PLD5: variants seen among roughly 807,000 people sequenced by gnomAD.
PLD5 encodes the protein phospholipase D family member 5, also known as inactive phospholipase D5.
A neutral mutation model predicts 61.1 loss-of-function variants in PLD5; 36 were observed. That is an observed-to-expected ratio of 0.59 (90% CI 0.45 to 0.78). PLD5 has a LOEUF of 0.78. Ranked by LOEUF, PLD5 falls within the 30% of genes least tolerant of loss-of-function variation. The probability of loss-of-function intolerance (pLI) is 0.00; values close to 1 mark genes in which losing one functional copy is unlikely to be tolerated. For synonymous variants in PLD5, 243 were observed against 242.8 expected, an observed-to-expected ratio of 1.00 and a Z score of -0.01; for missense variants, 515 against 644.4, an observed-to-expected ratio of 0.80 and a Z score of 2.17.
At chr1:242,379,630 A>C (rs1206749800) in intron 1 of PLD5, among the ~76,000 whole-genome samples, 1 of 152,006 alleles carries the variant, frequency 6.6e-6, no homozygotes, top group African/African-American at 2.4e-5. Flanking sequence ...AAAAAAAAAA[A>C]CTTTGAGTTT....
chr1:242,300,758 GGGTTGCAGCGGGA>G (rs1006051713), intron 2 of PLD5, among the ~76,000 whole-genome samples: 5 of 24,150 alleles, frequency 2.1e-4, no homozygotes, highest in African/African-American at 5.2e-4. Flanking sequence ...AGCGGGACAA[GGGTTGCAGCGGGA>G]GAACAATTAG....
At chr1:242,284,345 C>T (rs1387964655) in intron 3 of PLD5, among the ~76,000 whole-genome samples, 1 of 151,842 alleles carries the variant, frequency 6.6e-6, no homozygotes, top group African/African-American at 2.4e-5. Context: ...CCATGTTTGC[C>T]AGGCTGGTTT....
chr1:242,265,542 C>T (rs1558411385), intron 3 of PLD5, 94 bp from the exon 4 acceptor site: 21 of 1,077,324 alleles, frequency 1.9e-5, no homozygotes, highest in South Asian at 8.9e-5. Context: ...TTAATCTATT[C>T]GTTCAAATGT....
intron 1 of PLD5, among the ~76,000 whole-genome samples, chr1:242,391,431 AT>A (rs1204540302): frequency 6.6e-6 from 1 of 152,222 alleles, no homozygotes; most frequent in African/African-American, 2.4e-5. Context: ...AAATAAGGAT[AT>A]TTTAAACACA....
At chr1:242,401,417 C>T (rs936431147) in intron 1 of PLD5, among the ~76,000 whole-genome samples, 9 of 152,034 alleles carry the variant, frequency 5.9e-5, no homozygotes, top group African/African-American at 9.7e-5. Context: ...ATCATGTGGA[C>T]CCCTCCCCTT....
In PLD5 at chr1:242,400,720, C is replaced by G. The variant is rs1165517716; in HGVS notation, c.190-52478G>C. 2.0e-5 allele frequency among the ~76,000 whole-genome samples: 3 copies of G among 152,186 alleles called. 1 individual carries two copies. In the South Asian group the frequency reaches 6.2e-4, roughly 32 times the overall value. On this transcript the variant is annotated intron_variant, in intron 1 of 9. Coordinates refer to ENST00000536534, the MANE Select transcript of PLD5 (RefSeq NM_001372062.1). ...TCCAAGTCCCGGGATCTTTTCCCAC[C>G]ACCCGCCTGCTTTTCCAGCCCCCAA...
At chr1:242,196,740 A>G (rs1668658167) in intron 5 of PLD5, among the ~76,000 whole-genome samples, 1 of 152,186 alleles carries the variant, frequency 6.6e-6, no homozygotes. Context: ...TCTAGAATAG[A>G]AATAGGAAGC....
chr1:242,460,091 G>C (rs1321223727), intron 1 of PLD5, among the ~76,000 whole-genome samples: 2 of 151,516 alleles, frequency 1.3e-5, no homozygotes, highest in East Asian at 3.9e-4. Context: ...CTGTTCTAAG[G>C]CTCTGTTAGA....
intron 5 of PLD5, among the ~76,000 whole-genome samples, chr1:242,140,150 C>T (rs192073468): frequency 6.6e-6 from 1 of 152,302 alleles, no homozygotes; most frequent in East Asian, 1.9e-4. Flanking sequence ...TTGACTCCTG[C>T]ACACCAACGT....
At chr1:242,403,163 A>G (rs1338422519) in intron 1 of PLD5, among the ~76,000 whole-genome samples, 2 of 152,206 alleles carry the variant, frequency 1.3e-5, no homozygotes, top group East Asian at 3.9e-4. Context: ...GGACATTACC[A>G]GGTCAGATGG....
At position 242,419,403 on chromosome 1, in the gene PLD5, T is replaced by C. The variant is rs1243594822; in HGVS notation, c.190-71161A>G. 1.3e-5 allele frequency among the ~76,000 whole-genome samples: 2 copies of C among 150,426 alleles called. 1 individual carries two copies. The highest frequency in any genetic ancestry group is 3.0e-5 in the Non-Finnish European group (2 of 67,520). The stretch of plus-strand genomic sequence containing the variant: ...TGATTTTTGTTTTTTTTTTTTTTTT[T>C]TTGGCGGGGGGAGACAGAGTCTCGC... On this transcript the variant is annotated intron_variant, in intron 1 of 9. Coordinates refer to ENST00000536534, the MANE Select transcript of PLD5 (RefSeq NM_001372062.1).
At chr1:242,122,069 T>C (rs533272978) in intron 6 of PLD5, among the ~76,000 whole-genome samples, 3 of 152,128 alleles carry the variant, frequency 2.0e-5, no homozygotes, top group Admixed American at 1.3e-4. Context: ...TGCACATGTA[T>C]CCTAGAACTT....
intron 2 of PLD5, among the ~76,000 whole-genome samples, chr1:242,323,746 G>A (rs12046002): frequency 0.082 from 12,502 of 152,084 alleles, 728 homozygotes; most frequent in East Asian, 0.28. Flanking sequence ...TGCTCCCAGT[G>A]TAATAATAGA....
At chr1:242,147,149 C>G (rs1398451879) in intron 5 of PLD5, among the ~76,000 whole-genome samples, 1 of 152,180 alleles carries the variant, frequency 6.6e-6, no homozygotes, top group African/African-American at 2.4e-5. Flanking sequence ...AAAATTCCCC[C>G]ATGCCTCTTT....
intron 1 of PLD5, among the ~76,000 whole-genome samples, chr1:242,483,126 A>G (rs1233283528): frequency 1.3e-5 from 2 of 152,166 alleles, no homozygotes; most frequent in Non-Finnish European, 1.5e-5. Context: ...AAAGACCATC[A>G]AGGCTAGGAA....
chr1:242,411,775 T>C (rs1204111282), intron 1 of PLD5, among the ~76,000 whole-genome samples: 1 of 152,160 alleles, frequency 6.6e-6, no homozygotes, highest in Non-Finnish European at 1.5e-5. Context: ...AAAATTATAA[T>C]ATTGACAACC....
intron 5 of PLD5, among the ~76,000 whole-genome samples, chr1:242,159,883 A>G (rs1665688000): frequency 6.6e-6 from 1 of 152,174 alleles, no homozygotes; most frequent in South Asian, 2.1e-4. Flanking sequence ...AGGTCCATGG[A>G]GAAAACTCTA....
chr1:242,350,426 TACACACGTAC>T (rs956798541), intron 1 of PLD5, among the ~76,000 whole-genome samples: 3 of 86,456 alleles, frequency 3.5e-5, no homozygotes, highest in Non-Finnish European at 4.5e-5. Flanking sequence ...AATATATGTA[TACACACGTAC>T]ACACACACAC....
intron 9 of PLD5, among the ~76,000 whole-genome samples, chr1:242,096,676 CT>C (rs1660257498): frequency 1.5e-5 from 2 of 132,444 alleles, no homozygotes; most frequent in Admixed American, 7.4e-5. Flanking sequence ...TGTTTTAAGT[CT>C]TTTTTGTTTT....
Sources: gnomAD v4.1 joint callset for allele counts (sites outside exome capture counted in the v4.1 genomes callset) on GRCh38, gnomAD v4.1.1 for gene constraint, MANE v1.5 for transcripts, NCBI Gene and HGNC (gene_info 2026-07-23, HGNC 2026-07-21) for gene names.